Variants in HTT observed in about 807,000 individuals in gnomAD.
HTT encodes huntingtin.
HTT carries 104 observed loss-of-function variants against 362.3 expected under a neutral mutation model. The observed-to-expected ratio is 0.29, with a 90% CI of 0.24 to 0.34. The LOEUF (loss-of-function observed/expected upper bound fraction) is 0.34, where lower values mean the gene tolerates loss of function less well. Ranked by LOEUF, HTT falls within the 10% of genes least tolerant of loss-of-function variation. The probability of loss-of-function intolerance (pLI) is 1.00; values close to 1 mark genes in which losing one functional copy is unlikely to be tolerated. For missense variants in HTT, 3,301 were observed against 3,928.6 expected (o/e 0.84, Z 4.27); for synonymous variants, 1,577 against 1,548.7 (o/e 1.02, Z -0.43).
At chr4:3,108,129 C>T (rs940819911) in intron 6 of HTT, among the ~76,000 whole-genome samples, 4 of 152,140 alleles carry the variant, frequency 2.6e-5, no homozygotes, top group African/African-American at 9.7e-5. Context: ...CTTAATGGGA[C>T]CCATATAGGG....
chr4:3,213,840 A>G, intron 49 of HTT, 118 bp from the exon 50 acceptor site: 1 of 841,610 alleles, frequency 1.2e-6, no homozygotes. Flanking sequence ...TGGAAGGGCA[A>G]GGGCACCTGG....
chr4:3,105,239 T>G, intron 4 of HTT, 118 bp from the exon 5 acceptor site: 1 of 685,300 alleles, frequency 1.5e-6, no homozygotes, highest in Non-Finnish European at 2.6e-6. Flanking sequence ...TTTATGCATT[T>G]AAATGGCCTT....
rs190219976 is a variant in HTT at position 3,155,593 on chromosome 4, G to T, written c.3625+1174G>T. On this transcript the variant is annotated intron_variant, in intron 27 of 66. Coordinates refer to ENST00000355072, the MANE Select transcript of HTT (RefSeq NM_001388492.1). ...ATACAACATGATGTTTGAAATATGT[G>T]TACATTGGCCAGGCGTGGTGGCTCA... Among the ~76,000 whole-genome samples the T allele has an allele frequency of 1.7e-3, 252 of 151,154 alleles. 2 individuals carry two copies. Among genetic ancestry groups the T allele is most frequent in the Admixed American group, 3.0e-3 (45 of 15,192 alleles).
At chr4:3,161,317 A>T (rs1717431000) in intron 29 of HTT, among the ~76,000 whole-genome samples, 1 of 152,160 alleles carries the variant, frequency 6.6e-6, no homozygotes. Context: ...AATCCAGTCT[A>T]TCATTGATGG....
intron 40 of HTT, among the ~76,000 whole-genome samples, chr4:3,191,448 AG>A (rs1336772960): frequency 6.6e-6 from 1 of 152,166 alleles, no homozygotes; most frequent in Non-Finnish European, 1.5e-5. Flanking sequence ...CTGGGATTAC[AG>A]GTGTGAGCCA....
At position 3,182,447 on chromosome 4, in the gene HTT, C is replaced by T; in HGVS notation, c.4843C>T (p.Leu1615Phe). The T allele has an allele frequency of 1.2e-6, 2 of 1,612,922 alleles. No individual in the cohort carries two copies. The highest frequency in any genetic ancestry group is 2.7e-5 in the African/African-American group (2 of 75,036). The change falls in exon 37 of 67, where the codon CTC becomes TTC. Residue 1615 changes from leucine (L) to phenylalanine (F), a missense_variant. This residue lies in a region of HTT where 2,316 missense variants were observed against 2,658.5 expected (regional missense o/e 0.87). Coordinates refer to ENST00000355072, the MANE Select transcript of HTT (RefSeq NM_001388492.1). ...RLSRQIADII[L>F]PMLAKQQMHI... ...GTCTCGACAGATAGCTGACATCATCCTCCCAATGTTAGCCAAACAGCAGGT... is the reference window on the plus strand; with the variant it reads ...GTCTCGACAGATAGCTGACATCATCTTCCCAATGTTAGCCAAACAGCAGGT...
At chr4:3,209,008 C>T in intron 46 of HTT, 97 bp downstream of exon 46, 3 of 1,335,624 alleles carry the variant, frequency 2.2e-6, no homozygotes, top group Non-Finnish European at 3.0e-6. Context: ...GCCGTGGACC[C>T]AAGGAGTTCT....
intron 10 of HTT, 29 bp downstream of exon 10, chr4:3,122,965 G>T: frequency 6.3e-7 from 1 of 1,575,360 alleles, no homozygotes; most frequent in Middle Eastern, 1.7e-4. Context: ...AGAGTCTTGT[G>T]TTGAATCTTA....
At chr4:3,126,621 G>A (rs1452179098) in intron 11 of HTT, among the ~76,000 whole-genome samples, 1 of 151,936 alleles carries the variant, frequency 6.6e-6, no homozygotes, top group African/African-American at 2.4e-5. Context: ...ACAGCAATCC[G>A]GATACTATAA....
chr4:3,075,199 A>G (rs1161979385), intron 1 of HTT, 111 bp downstream of exon 1: 1 of 1,051,832 alleles, frequency 9.5e-7, no homozygotes, highest in African/African-American at 1.7e-5. Flanking sequence ...GGCCCCGCAG[A>G]GACAGAGTGA....
intron 26 of HTT, among the ~76,000 whole-genome samples, chr4:3,151,318 C>T (rs777450327): frequency 1.3e-5 from 2 of 152,014 alleles, no homozygotes; most frequent in Non-Finnish European, 2.9e-5. Context: ...GAAGTAGGCA[C>T]ATCTTCACAT....
At position 3,105,439 on chromosome 4, in the gene HTT, A is replaced by G; in HGVS notation, c.608+3A>G. 1 of 1,603,430 alleles carries G rather than the reference A, an allele frequency of 6.2e-7. No homozygotes were observed. Among genetic ancestry groups the G allele is most frequent in the Non-Finnish European group, 8.5e-7 (1 of 1,170,254 alleles). On this transcript the variant is annotated splice_donor_region_variant and intron_variant, in intron 5 of 66. Coordinates refer to ENST00000355072, the MANE Select transcript of HTT (RefSeq NM_001388492.1). ...CTGGTTCGGCCTCAGAAATGCAGGT[A>G]AGTTGTACACTCTGGATGTTGGTTT... is the stretch of plus-strand genomic sequence containing the variant.
At chr4:3,191,187 T>C (rs943572607) in intron 40 of HTT, among the ~76,000 whole-genome samples, 11 of 147,182 alleles carry the variant, frequency 7.5e-5, no homozygotes, top group African/African-American at 2.7e-4. Context: ...TTCTTTTTTT[T>C]TTTGAGACAG....
chr4:3,081,817 A>G lies in HTT; in HGVS notation c.264-5122A>G, dbSNP rs182330170. On this transcript the variant is annotated intron_variant, in intron 1 of 66. Transcript: ENST00000355072. ...GGTGATCCACCCGCCTCAGCCTCCC[A>G]AAGTGCTGGGATTACAGGGTGTGAG... Among the ~76,000 whole-genome samples, 240 of 151,276 alleles carry G rather than the reference A, an allele frequency of 1.6e-3. 2 individuals are homozygous for G. The highest frequency in any genetic ancestry group is 3.0e-3 in the Admixed American group (45 of 15,206).
rs745862632 is a variant in HTT at position 3,132,796 on chromosome 4, G to T, written c.2396-18G>T. ...TTAAGTTTAGATGATGATGTTTGTT[G>T]CTTGTTCTTCTGGTTAGGAAATACA... On this transcript the variant is annotated intron_variant, in intron 17 of 66. Coordinates refer to ENST00000355072, the MANE Select transcript of HTT (RefSeq NM_001388492.1). 2 of 1,613,028 alleles carry T rather than the reference G, an allele frequency of 1.2e-6. No individual in the cohort carries two copies. Among genetic ancestry groups the T allele is most frequent in the East Asian group, 2.2e-5 (1 of 44,888 alleles).
intron 55 of HTT, 24 bp from the exon 56 acceptor site, chr4:3,223,968 C>G (rs755594986): frequency 3.1e-6 from 5 of 1,613,304 alleles, no homozygotes; most frequent in Non-Finnish European, 4.2e-6. Context: ...ACAAAACACT[C>G]TTTACCTTTT....
intron 2 of HTT, among the ~76,000 whole-genome samples, chr4:3,096,976 A>G (rs1166949698): frequency 1.3e-5 from 2 of 151,976 alleles, no homozygotes; most frequent in Non-Finnish European, 2.9e-5. Context: ...AAAATTAGCC[A>G]GGTGTGGTGG....
intron 14 of HTT, 81 bp from the exon 15 acceptor site, chr4:3,131,205 C>G: frequency 9.1e-7 from 1 of 1,094,984 alleles, no homozygotes; most frequent in Non-Finnish European, 1.4e-6. Flanking sequence ...AAGTGCTGCT[C>G]TGGAACTATC....
At chr4:3,141,429 G>A (rs1054373719) in intron 22 of HTT, among the ~76,000 whole-genome samples, 1 of 152,100 alleles carries the variant, frequency 6.6e-6, no homozygotes, top group African/African-American at 2.4e-5. Flanking sequence ...CATAATTCCT[G>A]AATAAATAAC....
Sources: allele counts gnomAD v4.1 joint callset (sites outside exome capture counted in the v4.1 genomes callset), GRCh38; gene constraint gnomAD v4.1.1; regional missense constraint gnomAD v4.1.1; transcripts MANE v1.5; gene names NCBI Gene and HGNC (gene_info 2026-07-23, HGNC 2026-07-21).